Variants in C1S observed in about 807,000 individuals in gnomAD.
The protein encoded by C1S is complement C1s subcomponent.
A neutral mutation model predicts 54.0 loss-of-function variants in C1S; 31 were observed. That is an observed-to-expected ratio of 0.57 (90% CI 0.43 to 0.78). The LOEUF is 0.78. Among genes scored for constraint, C1S ranks in the 30% least tolerant of loss-of-function variants. The probability of loss-of-function intolerance (pLI) is 0.00; values close to 1 mark genes in which losing one functional copy is unlikely to be tolerated. For missense variants in C1S, 727 were observed against 851.8 expected, an observed-to-expected ratio of 0.85 and a Z score of 1.82; for synonymous variants, 292 against 303.6, an observed-to-expected ratio of 0.96 and a Z score of 0.40.
At position 7,063,212 on chromosome 12, in the gene C1S, CTT is replaced by C. The variant is rs137941069; in HGVS notation, c.391+148_391+149del. ...TTGGCCTGGGTCGCTCCATAAATCACTTTTGTGAAATTCAAATGCATGATCAT... is the reference window on the plus strand; with the variant it reads ...TTGGCCTGGGTCGCTCCATAAATCACTTGTGAAATTCAAATGCATGATCAT... On this transcript the variant is annotated intron_variant, in intron 4 of 11. Transcript: ENST00000360817. 2.3e-3 allele frequency: 1,716 copies of C among 735,116 alleles called. 20 individuals carry two copies. The highest frequency in any genetic ancestry group is 0.017 in the African/African-American group (984 of 57,222). The allele number at this position is 735,116 out of a possible 1,614,324, so 45.5% of individuals were successfully genotyped here. A position where few individuals can be genotyped will look rare whatever the true frequency, so the allele number is the denominator to read the frequency against.
Position 7,062,657 on chromosome 12 carries a change from A to T in C1S, c.188A>T (p.Glu63Val), listed in dbSNP as rs782538575. The change falls in exon 3 of 12, where the codon GAG (glutamate) becomes GTG (valine). Residue 63 changes from glutamate (E) to valine (V), a missense_variant. By Grantham distance (121) the Glu-to-Val change is moderately radical. This residue lies in a region of C1S where 357 missense variants were observed against 365.4 expected (regional missense o/e 0.98). Coordinates refer to ENST00000360817, the MANE Select transcript of C1S (RefSeq NM_001734.5). ...ACCCATCTGGACATTGAGCTGTCAG[A>T]GAACTGTGCGTATGACTCAGTGCAG... ...YFTHLDIELS[E>V]NCAYDSVQII... The T allele has an allele frequency of 1.9e-6, 3 of 1,614,132 alleles. No individual in the cohort carries two copies. Among genetic ancestry groups the T allele is most frequent in the Non-Finnish European group, 2.5e-6 (3 of 1,179,992 alleles).
intron 4 of C1S, chr12:7,063,468 A>G: frequency 4.7e-6 from 2 of 427,728 alleles, no homozygotes; most frequent in South Asian, 3.2e-5. Flanking sequence ...AGGAATGTGT[A>G]GTATTTAAAC....
chr12:7,070,122 G>C lies in C1S; in HGVS notation c.1538G>C (p.Gly513Ala), dbSNP rs1555162974. ...CCTGAGCATGTGTTTATTCATCCGG[G>C]ATGGAAGCTGCTGGAAGTCCCAGAA... ...LTPEHVFIHP[G>A]WKLLEVPEGR... Residue 513 changes from glycine (G) to alanine (A), a missense_variant, in exon 12 of 12, where the codon GGA becomes GCA. Coordinates refer to ENST00000360817, the MANE Select transcript of C1S (RefSeq NM_001734.5). The surrounding 1 kb of genome is among the most constrained non-coding windows in gnomAD (Gnocchi z 4.9). 1 of 1,614,216 alleles carries C rather than the reference G, an allele frequency of 6.2e-7. No homozygotes were observed. Among genetic ancestry groups the C allele is most frequent in the Non-Finnish European group, 8.5e-7 (1 of 1,180,042 alleles).
chr12:7,065,324 C>T, intron 6 of C1S, 25 bp downstream of exon 6: 2 of 1,557,430 alleles, frequency 1.3e-6, no homozygotes, highest in Non-Finnish European at 1.8e-6. Flanking sequence ...ATTAATACCC[C>T]ACCCTTAACT....
At chr12:7,061,541 T>C in intron 1 of C1S, 1 of 368,532 alleles carries the variant, frequency 2.7e-6, no homozygotes, top group South Asian at 2.2e-5. Flanking sequence ...GGGGTGGGGC[T>C]GGTGGAGGAC....
intron 4 of C1S, 26 bp from the exon 5 acceptor site, chr12:7,064,241 C>T (rs1555161727): frequency 4.3e-6 from 7 of 1,613,452 alleles, no homozygotes; most frequent in South Asian, 2.2e-5. Flanking sequence ...TTGTTCTTGA[C>T]CTCAGCCTCT....
At chr12:7,066,682 T>C (rs1937674152) in intron 8 of C1S, 49 bp downstream of exon 8, 1 of 1,085,562 alleles carries the variant, frequency 9.2e-7, no homozygotes. Flanking sequence ...CAGATCAGGA[T>C]GAGCGGACTG....
intron 6 of C1S, 43 bp downstream of exon 6, chr12:7,065,342 A>G (rs111645150): frequency 2.0e-6 from 3 of 1,483,940 alleles, no homozygotes; most frequent in African/African-American, 1.4e-5. Flanking sequence ...ACTTACACAG[A>G]GAGATCTCTC....
At chr12:7,068,375 C>A in intron 10 of C1S, 81 bp from the exon 11 acceptor site, 1 of 969,166 alleles carries the variant, frequency 1.0e-6, no homozygotes, top group Non-Finnish European at 1.7e-6. Flanking sequence ...AGGAACGGGG[C>A]AGGGTGTTGG....
In C1S at chr12:7,070,586, G is replaced by T. The variant is rs781811592; in HGVS notation, c.2002G>T (p.Val668Leu). ...TGGGACCTATGGGCTCTACACACGG[G>T]TAAAGAACTATGTTGACTGGATAAT... The part of the protein sequence containing the change: ...QCGTYGLYTR[V>L]KNYVDWIMKT... Residue 668 changes from valine to leucine, a missense_variant, in exon 12 of 12, where the codon GTA (valine) becomes TTA (leucine). Transcript: ENST00000360817. This position sits in a 1 kb window ranked among gnomAD's most constrained non-coding sequence, Gnocchi z 4.9. The T allele has an allele frequency of 1.2e-6, 2 of 1,614,158 alleles. No individual in the cohort carries two copies. The highest frequency in any genetic ancestry group is 1.1e-5 in the South Asian group (1 of 91,084).
Position 7,070,129 on chromosome 12 carries a change from G to C in C1S, c.1545G>C (p.Lys515Asn). 6.2e-7 allele frequency: 1 copy of C among 1,614,242 alleles called. No individual in the cohort carries two copies. The highest frequency in any genetic ancestry group is 8.5e-7 in the Non-Finnish European group (1 of 1,180,052). The change falls in exon 12 of 12, where the codon AAG becomes AAC. Residue 515 changes from lysine to asparagine, a missense_variant. By Grantham distance (94) the Lys-to-Asn change is moderately conservative (BLOSUM62 0). Transcript: ENST00000360817. The surrounding 1 kb of genome is among the most constrained non-coding windows in gnomAD (Gnocchi z 4.9). ...ATGTGTTTATTCATCCGGGATGGAAGCTGCTGGAAGTCCCAGAAGGACGAA... is the reference window on the plus strand; with the variant it reads ...ATGTGTTTATTCATCCGGGATGGAACCTGCTGGAAGTCCCAGAAGGACGAA... ...PEHVFIHPGW[K>N]LLEVPEGRTN...
intron 8 of C1S, 119 bp from the exon 9 acceptor site, chr12:7,066,920 C>T: frequency 1.3e-6 from 1 of 794,562 alleles, no homozygotes; most frequent in Non-Finnish European, 2.2e-6. Context: ...CTAAGATGTT[C>T]CCAAGCTTCT....
At chr12:7,066,871 G>A (rs1591579326) in intron 8 of C1S, 168 bp from the exon 9 acceptor site, 2 of 716,598 alleles carry the variant, frequency 2.8e-6, no homozygotes, top group East Asian at 5.4e-5. Flanking sequence ...TTGGGGCAAA[G>A]CTTTCTGTCA....
chr12:7,066,145 G>A (rs1264601333), intron 7 of C1S, 175 bp downstream of exon 7: 1 of 673,678 alleles, frequency 1.5e-6, no homozygotes, highest in Non-Finnish European at 2.7e-6. Context: ...AGTCCACTCT[G>A]GGCAACAGAG....
rs2135730134 is a variant in C1S at position 7,070,193 on chromosome 12, G to A, written c.1609G>A (p.Asp537Asn). Residue 537 changes from aspartate to asparagine, a missense_variant, in exon 12 of 12, where the codon GAC becomes AAC. By Grantham distance (23) the Asp-to-Asn change is conservative. Transcript: ENST00000360817. This position sits in a 1 kb window ranked among gnomAD's most constrained non-coding sequence, Gnocchi z 4.9. ...DNDIALVRLK[D>N]PVKMGPTVSP... ...TGACATTGCACTGGTGCGGCTGAAA[G>A]ACCCAGTGAAAATGGGACCCACCGT... 1 of 1,614,198 alleles carries A rather than the reference G, an allele frequency of 6.2e-7. No homozygotes were observed. Among genetic ancestry groups the A allele is most frequent in the South Asian group, 1.1e-5 (1 of 91,080 alleles).
Position 7,065,308 on chromosome 12 carries a change from T to A in C1S, c.717+9T>A. 6.2e-7 allele frequency: 1 copy of A among 1,604,608 alleles called. No homozygotes were observed. Among genetic ancestry groups the A allele is most frequent in the Non-Finnish European group, 8.5e-7 (1 of 1,171,294 alleles). On this transcript the variant is annotated intron_variant, in intron 6 of 11. Coordinates refer to ENST00000360817, the MANE Select transcript of C1S (RefSeq NM_001734.5). ...GCCTTGACAGTTTAGTTGTGCGTGA[T>A]GGTTGATTAATACCCCACCCTTAAC...
At position 7,062,873 on chromosome 12, in the gene C1S, T is replaced by G. The variant is rs187050761; in HGVS notation, c.214-17T>G. Reference sequence around the variant, plus strand: ...ATTACCCTTTCCTAGATTTTTTTTTTGTGACTCTTCTCTTAGATAATCTCA... The same window carrying G: ...ATTACCCTTTCCTAGATTTTTTTTTGGTGACTCTTCTCTTAGATAATCTCA... On this transcript the variant is annotated splice_polypyrimidine_tract_variant and intron_variant, in intron 3 of 11. Transcript: ENST00000360817. The G allele has an allele frequency of 1.5e-4, 249 of 1,612,894 alleles. 2 individuals carry two copies. In the East Asian group the frequency reaches 2.7e-3, roughly 17 times the overall value.
At chr12:7,067,486 G>T in intron 9 of C1S, 157 bp from the exon 10 acceptor site, 1 of 828,012 alleles carries the variant, frequency 1.2e-6, no homozygotes, top group Non-Finnish European at 2.1e-6. Flanking sequence ...GATGCCAGTT[G>T]GGGAGGATGG....
chr12:7,065,495 A>G (rs782125511), intron 6 of C1S, 196 bp downstream of exon 6: 2 of 681,908 alleles, frequency 2.9e-6, no homozygotes, highest in South Asian at 1.6e-5. Context: ...AGCTGGGCCC[A>G]CAGACGTGTG....
Sources: gnomAD v4.1 joint callset for allele counts on GRCh38, gnomAD v4.1.1 for gene constraint, gnomAD v4.1.1 regional missense constraint, Gnocchi (gnomAD v3.1) non-coding constraint, MANE v1.5 for transcripts, NCBI Gene and HGNC (gene_info 2026-07-23, HGNC 2026-07-21) for gene names.